The following OSBPL10 variants were observed in gnomAD, a reference collection of about 807,000 sequenced individuals.
OSBPL10 encodes oxysterol binding protein like 10, also known as oxysterol-binding protein-related protein 10.
A neutral mutation model predicts 81.7 loss-of-function variants in OSBPL10; 49 were observed. That is an observed-to-expected ratio of 0.60 (90% CI 0.48 to 0.76). OSBPL10 has a LOEUF of 0.76. OSBPL10 is among the 30% of genes least tolerant of loss of function. OSBPL10 has a pLI of 0.00. For synonymous variants in OSBPL10, 419 were observed against 383.6 expected (o/e 1.09, Z -1.08); for missense variants, 923 against 987.8 (o/e 0.93, Z 0.88).
chr3:31,965,388 G>GTATAATA (rs1553644371), intron 1 of OSBPL10, among the ~76,000 whole-genome samples: 3 of 74,358 alleles, frequency 4.0e-5, no homozygotes, highest in African/African-American at 7.4e-5. Context: ...TATATATTAT[G>GTATAATA]TATAATATAT....
Position 32,073,576 on chromosome 3 carries a change from A to G in OSBPL10, n.185+3820T>C, listed in dbSNP as rs928446965. Reference sequence around the variant, plus strand: ...TTTCTGAAGAACAGTAATGACCCTTATGAGCCTAATACATCCCTTCATTTA... The same window carrying G: ...TTTCTGAAGAACAGTAATGACCCTTGTGAGCCTAATACATCCCTTCATTTA... On this transcript the variant is annotated intron_variant and non_coding_transcript_variant, in intron 1 of 3. Coordinates refer to the OSBPL10 transcript ENST00000479173. 5.3e-5 allele frequency among the ~76,000 whole-genome samples: 8 copies of G among 152,258 alleles called. No homozygotes were observed. The East Asian group carries it at 1.5e-3, about 29-fold the overall frequency.
At chr3:32,075,195 GT>G (rs764295910) in intron 1 of OSBPL10, among the ~76,000 whole-genome samples, 2 of 152,150 alleles carry the variant, frequency 1.3e-5, no homozygotes, top group Non-Finnish European at 2.9e-5. Flanking sequence ...TCAAGCCCAG[GT>G]TGACCCTTTA....
chr3:31,750,384 C>T lies in OSBPL10; in HGVS notation c.730-2264G>A, dbSNP rs149290472. ...GTATCCCAAGTACTGTAAGTACCTA[C>T]CTATTGAATGAATGAATCCAAGTTT... On this transcript the variant is annotated intron_variant, in intron 4 of 11. Transcript: ENST00000396556. Among the ~76,000 whole-genome samples the T allele has an allele frequency of 2.1e-3, 319 of 152,298 alleles. 3 individuals are homozygous for T. In the Middle Eastern group the frequency reaches 0.051, roughly 24 times the overall value.
chr3:31,929,747 CA>C (rs11328456), intron 1 of OSBPL10, among the ~76,000 whole-genome samples: 65,816 of 118,844 alleles, frequency 0.55, 15,738 homozygotes, highest in Middle Eastern at 0.62. Context: ...GACTCTGTCT[CA>C]AAAAAAAAAA....
chr3:31,673,004 C>A (rs977800988), intron 8 of OSBPL10, among the ~76,000 whole-genome samples: 7 of 152,140 alleles, frequency 4.6e-5, no homozygotes, highest in African/African-American at 1.7e-4. Context: ...AAGAGATGGG[C>A]CTTCTCCCCT....
rs79409577 is a variant in OSBPL10, at chr3:32,001,858, C to T, written n.298+44633G>A. On this transcript the variant is annotated intron_variant and non_coding_transcript_variant, in intron 2 of 3. Coordinates refer to the OSBPL10 transcript ENST00000479173. ...CTCAATTGAAATAACACCCAGTAATCTCTATTATCCAATCCCAACTCTTGG... is the reference window on the plus strand; with the variant it reads ...CTCAATTGAAATAACACCCAGTAATTTCTATTATCCAATCCCAACTCTTGG... Among the ~76,000 whole-genome samples the T allele has an allele frequency of 8.5e-4, 129 of 152,294 alleles. No individual in the cohort carries two copies. The Middle Eastern group carries it at 0.017, about 20-fold the overall frequency.
chr3:31,935,012 C>T (rs1697347041), intron 1 of OSBPL10, among the ~76,000 whole-genome samples: 1 of 152,166 alleles, frequency 6.6e-6, no homozygotes, highest in Admixed American at 6.5e-5. Context: ...CAACTCTTAG[C>T]GCTTGGCCTT....
At chr3:31,771,496 A>G (rs532265310) in intron 4 of OSBPL10, among the ~76,000 whole-genome samples, 1 of 152,222 alleles carries the variant, frequency 6.6e-6, no homozygotes, top group African/African-American at 2.4e-5. Flanking sequence ...TATTAACAGG[A>G]CCCATTTAGG....
rs373856796 is a variant in OSBPL10, at chr3:31,752,735, G to A, written c.730-4615C>T. On this transcript the variant is annotated intron_variant, in intron 4 of 11. Transcript: ENST00000396556. ...TGCGGGAGACAGCAAGAAGATAAGG[G>A]CCTCATTTGTCTTGACTGCTTCGGA... 1.3e-4 allele frequency among the ~76,000 whole-genome samples: 20 copies of A among 152,284 alleles called. No individual in the cohort carries two copies. In the South Asian group the frequency reaches 3.7e-3, roughly 28 times the overall value.
At chr3:31,858,669 C>T (rs557095088) in intron 3 of OSBPL10, among the ~76,000 whole-genome samples, 80 of 152,306 alleles carry the variant, frequency 5.3e-4, no homozygotes, top group Non-Finnish European at 1.0e-3. Context: ...CCCAGAGAGC[C>T]TAGAGCACTT....
intron 6 of OSBPL10, among the ~76,000 whole-genome samples, chr3:31,724,647 G>A (rs934937301): frequency 2.3e-4 from 35 of 152,144 alleles, no homozygotes; most frequent in African/African-American, 7.7e-4. Context: ...CTTGAAAAAC[G>A]AGCATAAGCT....
At chr3:31,766,683 T>A (rs1475788386) in intron 4 of OSBPL10, among the ~76,000 whole-genome samples, 1 of 152,144 alleles carries the variant, frequency 6.6e-6, no homozygotes, top group Non-Finnish European at 1.5e-5. Flanking sequence ...ATACATACTA[T>A]TTACAAATAC....
chr3:32,033,465 C>T (rs1240330433), intron 2 of OSBPL10, among the ~76,000 whole-genome samples: 1 of 152,154 alleles, frequency 6.6e-6, no homozygotes, highest in African/African-American at 2.4e-5. Flanking sequence ...AGAAATATCT[C>T]CTTTCTAGTA....
intron 1 of OSBPL10, among the ~76,000 whole-genome samples, chr3:32,065,937 GAAGAAAGAAGA>G (rs1156776334): frequency 7.6e-5 from 4 of 52,678 alleles, no homozygotes; most frequent in African/African-American, 1.8e-4. Context: ...AAGAAGGAAA[GAAGAAAGAAGA>G]AAGAAAGAAA....
chr3:31,893,436 C>G (rs1019804416), intron 1 of OSBPL10, among the ~76,000 whole-genome samples: 1 of 152,166 alleles, frequency 6.6e-6, no homozygotes, highest in African/African-American at 2.4e-5. Context: ...TATGGAGAAA[C>G]TGGAACCTTT....
chr3:31,947,740 AATAG>A (rs555491716), intron 1 of OSBPL10, among the ~76,000 whole-genome samples: 34 of 152,292 alleles, frequency 2.2e-4, no homozygotes, highest in African/African-American at 7.7e-4. Flanking sequence ...GGAGGAGAAA[AATAG>A]ATAAAGAATC....
In OSBPL10 at chr3:31,830,086, C is replaced by G; in HGVS notation, c.683G>C (p.Arg228Pro). The change falls in exon 4 of 12, where the codon CGA (arginine) becomes CCA (proline). Residue 228 changes from arginine (R) to proline (P), a missense_variant. By Grantham distance (103) the Arg-to-Pro change is moderately radical. Around this residue, in one of 3 missense-constraint regions of OSBPL10, gnomAD observed 514 missense variants for 508.0 expected, o/e 1.01. Coordinates refer to ENST00000396556, the MANE Select transcript of OSBPL10 (RefSeq NM_017784.5). ...ITHHKSPAAA[R>P]RAKSQYSGQL... Reference sequence around the variant, plus strand: ...GCCGGAATACTGACTCTTGGCTCTTCGGGCGGCTGCAGGCGACTTGTGATG... The same window carrying G: ...GCCGGAATACTGACTCTTGGCTCTTGGGGCGGCTGCAGGCGACTTGTGATG... The G allele has an allele frequency of 1.2e-6, 2 of 1,614,002 alleles. No individual in the cohort carries two copies. The highest frequency in any genetic ancestry group is 1.7e-6 in the Non-Finnish European group (2 of 1,179,994).
chr3:31,980,006 A>AT (rs200304753), intron 1 of OSBPL10, among the ~76,000 whole-genome samples: 12 of 148,394 alleles, frequency 8.1e-5, no homozygotes, highest in Admixed American at 3.3e-4. Context: ...ATTTTATTTT[A>AT]TTTATTTATT....
At chr3:31,699,716 G>A (rs1158512248) in intron 7 of OSBPL10, among the ~76,000 whole-genome samples, 2 of 152,226 alleles carry the variant, frequency 1.3e-5, no homozygotes, top group Non-Finnish European at 2.9e-5. Context: ...GCCCTGTCTG[G>A]TAACCACAGT....
Sources: allele counts gnomAD v4.1 joint callset (sites outside exome capture counted in the v4.1 genomes callset), GRCh38; gene constraint gnomAD v4.1.1; regional missense constraint gnomAD v4.1.1; transcripts MANE v1.5; gene names NCBI Gene and HGNC (gene_info 2026-07-23, HGNC 2026-07-21).